The following IGF2BP3 variants were observed in gnomAD, a reference collection of about 807,000 sequenced individuals.
IGF2BP3 encodes insulin-like growth factor 2 mRNA-binding protein 3.
Under a neutral mutation model 73.8 loss-of-function variants are expected in IGF2BP3, and 9 were observed. The ratio of observed to expected loss-of-function variants is 0.12; its 90% confidence interval spans 0.07 to 0.21. The LOEUF is 0.21. Ranked by LOEUF, IGF2BP3 falls within the 10% of genes least tolerant of loss-of-function variation. The pLI is 1.00. For synonymous variants in IGF2BP3, 258 were observed against 256.7 expected, an observed-to-expected ratio of 1.01 and a Z score of -0.05; for missense variants, 542 against 714.0, an observed-to-expected ratio of 0.76 and a Z score of 2.75.
chr7:23,312,147 G>GTTTT lies in IGF2BP3; in HGVS notation c.*214_*215insAAAA. 3.4e-6 allele frequency: 1 copy of GTTTT among 293,638 alleles called. No individual in the cohort carries two copies. Among genetic ancestry groups the GTTTT allele is most frequent in the African/African-American group, 2.3e-5 (1 of 44,224 alleles). 18.2% of individuals were successfully genotyped at this position (293,638 alleles called of 1,614,324 possible). On this transcript the variant is annotated 3_prime_UTR_variant, in exon 15 of 15. Transcript: ENST00000258729. ...CCACCCTTTTTTTGTTTGTTTGTTTGTTTGTTTTAAAGCTGGGTGTCATAC... is the reference window on the plus strand; with the variant it reads ...CCACCCTTTTTTTGTTTGTTTGTTTGTTTTTTTGTTTTAAAGCTGGGTGTCATAC...
intron 2 of IGF2BP3, among the ~76,000 whole-genome samples, chr7:23,444,444 T>C (rs1160152755): frequency 6.6e-6 from 1 of 152,092 alleles, no homozygotes; most frequent in Admixed American, 6.6e-5. Context: ...AAAGAACCTT[T>C]AAAATTGCTT....
chr7:23,396,486 A>C (rs902280942), intron 3 of IGF2BP3: 4 of 186,440 alleles, frequency 2.1e-5, no homozygotes, highest in African/African-American at 9.4e-5. Context: ...TTACTGGCAG[A>C]TTGTGTAGCA....
At position 23,322,906 on chromosome 7, in the gene IGF2BP3, G is replaced by A. The variant is rs554934958; in HGVS notation, c.1204-3652C>T. 2.0e-5 allele frequency among the ~76,000 whole-genome samples: 3 copies of A among 152,204 alleles called. No individual in the cohort carries two copies. In the East Asian group the frequency reaches 5.8e-4, roughly 29 times the overall value. On this transcript the variant is annotated intron_variant, in intron 10 of 14. Transcript: ENST00000258729. ...TGTCACCACCAGGCCTGCCCTAAAA[G>A]AGCTCCTGAAGGAAGCGCTAAACAT...
At chr7:23,413,543 A>T (rs1176726481) in intron 3 of IGF2BP3, 1 of 152,212 alleles carries the variant, frequency 6.6e-6, no homozygotes, top group Non-Finnish European at 1.5e-5. Context: ...CCCACTTGAG[A>T]AATTGAGTAG....
intron 2 of IGF2BP3, among the ~76,000 whole-genome samples, chr7:23,460,325 C>T (rs1788419637): frequency 6.6e-6 from 1 of 151,738 alleles, no homozygotes; most frequent in African/African-American, 2.4e-5. Context: ...GTTATGAGTT[C>T]AAGACCAACC....
chr7:23,350,212 C>A (rs1451495575), intron 6 of IGF2BP3, among the ~76,000 whole-genome samples: 1 of 152,124 alleles, frequency 6.6e-6, no homozygotes, highest in Admixed American at 6.6e-5. Context: ...CCTGCTGGAA[C>A]AAACACATAA....
chr7:23,341,863 T>A (rs898814875), intron 10 of IGF2BP3, among the ~76,000 whole-genome samples: 1 of 152,144 alleles, frequency 6.6e-6, no homozygotes, highest in Non-Finnish European at 1.5e-5. Flanking sequence ...TGTTGTGATA[T>A]TTGAAAACAC....
At chr7:23,349,714 G>A (rs1004757013) in intron 6 of IGF2BP3, among the ~76,000 whole-genome samples, 5 of 152,064 alleles carry the variant, frequency 3.3e-5, no homozygotes, top group African/African-American at 1.2e-4. Context: ...ATGAATCATC[G>A]GATATAACAA....
intron 10 of IGF2BP3, among the ~76,000 whole-genome samples, chr7:23,333,167 T>C (rs1398839020): frequency 6.6e-6 from 1 of 152,228 alleles, no homozygotes; most frequent in Non-Finnish European, 1.5e-5. Context: ...ACACTCAAGA[T>C]AAGATGAAGC....
chr7:23,396,674 G>C (rs1786484001), intron 3 of IGF2BP3, among the ~76,000 whole-genome samples: 1 of 152,002 alleles, frequency 6.6e-6, no homozygotes, highest in African/African-American at 2.4e-5. Context: ...AAGATGGAAA[G>C]GATCCAGAAC....
At chr7:23,458,313 C>G (rs1378415262) in intron 2 of IGF2BP3, among the ~76,000 whole-genome samples, 2 of 152,122 alleles carry the variant, frequency 1.3e-5, no homozygotes, top group Non-Finnish European at 2.9e-5. Flanking sequence ...TGGCTTTTCC[C>G]TTCAGTTCAA....
chr7:23,436,283 TAA>T, intron 2 of IGF2BP3, among the ~76,000 whole-genome samples: 1 of 152,362 alleles, frequency 6.6e-6, no homozygotes, highest in South Asian at 2.1e-4. Flanking sequence ...CTATGCTTTT[TAA>T]AAGTCTGTCT....
At chr7:23,453,517 G>A (rs1175782870) in intron 2 of IGF2BP3, among the ~76,000 whole-genome samples, 6 of 152,280 alleles carry the variant, frequency 3.9e-5, no homozygotes, top group South Asian at 4.1e-4. Context: ...CCTGCTTGGC[G>A]ATTTGGATGG....
At chr7:23,418,717 A>C (rs953952259) in intron 3 of IGF2BP3, 59 bp downstream of exon 3, 1 of 1,141,354 alleles carries the variant, frequency 8.8e-7, no homozygotes, top group Admixed American at 2.2e-5. Flanking sequence ...AGCTTTGAAA[A>C]AACTAACAGC....
chr7:23,312,695 C>A, intron 14 of IGF2BP3, 40 bp downstream of exon 14: 3 of 1,385,382 alleles, frequency 2.2e-6, no homozygotes, highest in South Asian at 2.4e-5. Context: ...ATTGCTTCCA[C>A]GTGAGAAAGA....
At chr7:23,468,325 A>G (rs1323907056) in intron 2 of IGF2BP3, among the ~76,000 whole-genome samples, 157 bp downstream of exon 2, 4 of 151,810 alleles carry the variant, frequency 2.6e-5, no homozygotes, top group Non-Finnish European at 5.9e-5. Context: ...ATCAACACAC[A>G]CACCCCCGCC....
At chr7:23,401,088 C>T (rs765164941) in intron 3 of IGF2BP3, among the ~76,000 whole-genome samples, 14 of 152,146 alleles carry the variant, frequency 9.2e-5, no homozygotes, top group Non-Finnish European at 1.8e-4. Flanking sequence ...TGAGCTATCA[C>T]GCCCAGCCCA....
At chr7:23,392,513 TATACACACACAC>T (rs903448948) in intron 3 of IGF2BP3, among the ~76,000 whole-genome samples, 9 of 150,676 alleles carry the variant, frequency 6.0e-5, no homozygotes, top group East Asian at 1.9e-4. Context: ...TGCACATATA[TATACACACACAC>T]ATACACACAC....
At chr7:23,410,547 C>T (rs1431557982) in intron 3 of IGF2BP3, among the ~76,000 whole-genome samples, 1 of 152,158 alleles carries the variant, frequency 6.6e-6, no homozygotes, top group Admixed American at 6.6e-5. Flanking sequence ...CTCTGGTATT[C>T]CCCTTGCACA....
Sources: gnomAD v4.1 joint callset for allele counts (sites outside exome capture counted in the v4.1 genomes callset) on GRCh38, gnomAD v4.1.1 for gene constraint, MANE v1.5 for transcripts, NCBI Gene and HGNC (gene_info 2026-07-23, HGNC 2026-07-21) for gene names.